The following ATRNL1 variants were observed in gnomAD, a reference collection of about 807,000 sequenced individuals.
ATRNL1 encodes attractin-like protein 1.
In ATRNL1, 95 loss-of-function variants were observed where a neutral mutation model predicts 182.7. That is an observed-to-expected ratio of 0.52 (90% CI 0.44 to 0.62). The LOEUF is 0.62. Ranked by LOEUF, ATRNL1 falls within the 20% of genes least tolerant of loss-of-function variation. ATRNL1 has a pLI of 0.00. For synonymous variants in ATRNL1, 576 were observed against 568.3 expected, an observed-to-expected ratio of 1.01 and a Z score of -0.19; for missense variants, 1,471 against 1,679.5, an observed-to-expected ratio of 0.88 and a Z score of 2.17.
At chr10:115,336,127 A>G (rs1397910277) in intron 19 of ATRNL1, among the ~76,000 whole-genome samples, 6 of 152,218 alleles carry the variant, frequency 3.9e-5, no homozygotes, top group African/African-American at 1.4e-4. Flanking sequence ...ATGTGGACAC[A>G]AATATTTAAT....
At chr10:115,158,956 A>G (rs1554882661) in intron 5 of ATRNL1, among the ~76,000 whole-genome samples, 2 of 151,826 alleles carry the variant, frequency 1.3e-5, no homozygotes, top group Admixed American at 1.3e-4. Context: ...ATTATATGCC[A>G]TAGTATATGA....
intron 26 of ATRNL1, among the ~76,000 whole-genome samples, chr10:115,644,364 A>G (rs1254122201): frequency 6.6e-6 from 1 of 152,158 alleles, no homozygotes. Context: ...CACAGTGTGT[A>G]CCAAACACTG....
chr10:115,614,371 G>T (rs60333705), intron 26 of ATRNL1, among the ~76,000 whole-genome samples: 3,031 of 152,130 alleles, frequency 0.02, 95 homozygotes, highest in African/African-American at 0.067. Flanking sequence ...ACTCCTTTGT[G>T]ATCTAAGAAG....
intron 10 of ATRNL1, among the ~76,000 whole-genome samples, chr10:115,255,637 C>G (rs556412839): frequency 3.3e-5 from 5 of 152,164 alleles, no homozygotes; most frequent in Non-Finnish European, 7.3e-5. Context: ...ATTTCTTTCT[C>G]TTGCTTGATT....
intron 13 of ATRNL1, among the ~76,000 whole-genome samples, chr10:115,270,598 A>G (rs1554912630): frequency 6.6e-6 from 1 of 151,888 alleles, no homozygotes; most frequent in Non-Finnish European, 1.5e-5. Flanking sequence ...AGGCTTGAGA[A>G]CCAGGAGTGC....
At chr10:115,887,738 C>G (rs192727908) in intron 28 of ATRNL1, among the ~76,000 whole-genome samples, 25 of 151,776 alleles carry the variant, frequency 1.6e-4, no homozygotes, top group African/African-American at 6.0e-4. Flanking sequence ...CATCCACTCT[C>G]TCATGCAAAC....
intron 20 of ATRNL1, among the ~76,000 whole-genome samples, chr10:115,419,047 A>G (rs1845534877): frequency 6.6e-6 from 1 of 152,230 alleles, no homozygotes; most frequent in Non-Finnish European, 1.5e-5. Flanking sequence ...TAAAGAATGA[A>G]CGACAAAACT....
chr10:115,867,912 T>A (rs936208220), intron 28 of ATRNL1, among the ~76,000 whole-genome samples: 3 of 151,970 alleles, frequency 2.0e-5, no homozygotes, highest in African/African-American at 7.2e-5. Context: ...ATTTATTTTT[T>A]AATTTAATTT....
chr10:115,762,539 T>A (rs1555073881), intron 27 of ATRNL1, among the ~76,000 whole-genome samples: 1 of 152,138 alleles, frequency 6.6e-6, no homozygotes, highest in African/African-American at 2.4e-5. Context: ...TACTTATGAA[T>A]TATTTTCTTA....
chr10:115,686,037 TAG>T (rs1350644784), intron 26 of ATRNL1, among the ~76,000 whole-genome samples: 3 of 151,860 alleles, frequency 2.0e-5, no homozygotes, highest in Non-Finnish European at 3.0e-5. Context: ...ACTTTATTTA[TAG>T]AAGTTTAGGA....
At chr10:115,248,258 T>C (rs1286445198) in intron 10 of ATRNL1, among the ~76,000 whole-genome samples, 1 of 152,196 alleles carries the variant, frequency 6.6e-6, no homozygotes, top group Non-Finnish European at 1.5e-5. Flanking sequence ...ACATTATATG[T>C]ATTGAAGCAT....
At chr10:115,655,928 A>C (rs1860302696) in intron 26 of ATRNL1, among the ~76,000 whole-genome samples, 1 of 152,128 alleles carries the variant, frequency 6.6e-6, no homozygotes, top group African/African-American at 2.4e-5. Flanking sequence ...ACCGTGCACT[A>C]AATAGGAAAA....
At chr10:115,300,622 G>T (rs189510962) in intron 16 of ATRNL1, among the ~76,000 whole-genome samples, 7 of 152,154 alleles carry the variant, frequency 4.6e-5, no homozygotes, top group Admixed American at 1.3e-4. Context: ...CAGTTATCAA[G>T]TAAAAAGAAA....
chr10:115,811,128 C>T (rs1352387083), intron 27 of ATRNL1, among the ~76,000 whole-genome samples: 22 of 151,886 alleles, frequency 1.4e-4, no homozygotes, highest in Non-Finnish European at 2.9e-5. Context: ...CTATAAATTT[C>T]CCTTCAAGCA....
chr10:115,230,475 G>A (rs1849878372), intron 9 of ATRNL1, among the ~76,000 whole-genome samples: 1 of 152,132 alleles, frequency 6.6e-6, no homozygotes, highest in South Asian at 2.1e-4. Flanking sequence ...AACAGCAAAG[G>A]GGCTAGTGTA....
intron 26 of ATRNL1, among the ~76,000 whole-genome samples, chr10:115,604,923 G>C (rs1240951069): frequency 6.6e-6 from 1 of 151,982 alleles, no homozygotes; most frequent in East Asian, 1.9e-4. Context: ...TTTGTTAAAT[G>C]AGTACTTGAA....
chr10:115,386,252 A>G (rs1858342511), intron 19 of ATRNL1, among the ~76,000 whole-genome samples: 1 of 152,192 alleles, frequency 6.6e-6, no homozygotes, highest in Non-Finnish European at 1.5e-5. Flanking sequence ...CGGTGTATAG[A>G]GCTTGCTCAT....
intron 28 of ATRNL1, among the ~76,000 whole-genome samples, chr10:115,943,844 G>T (rs76875922): frequency 1.8e-3 from 267 of 152,182 alleles, no homozygotes; most frequent in East Asian, 0.011. Context: ...ATATAATTCA[G>T]CAATAAAAGG....
At chr10:115,690,279 T>C (rs1363258775) in intron 26 of ATRNL1, among the ~76,000 whole-genome samples, 1 of 151,146 alleles carries the variant, frequency 6.6e-6, no homozygotes, top group Non-Finnish European at 1.5e-5. Flanking sequence ...TTTCTACAGA[T>C]GGGGGTGGGT....
Sources: allele counts gnomAD v4.1 joint callset (sites outside exome capture counted in the v4.1 genomes callset), GRCh38; gene constraint gnomAD v4.1.1; transcripts MANE v1.5; gene names NCBI Gene and HGNC (gene_info 2026-07-23, HGNC 2026-07-21).